The following CCDC102B variants were observed in gnomAD, a reference collection of about 807,000 sequenced individuals.
CCDC102B encodes coiled-coil domain-containing protein 102B.
A neutral mutation model predicts 57.4 loss-of-function variants in CCDC102B; 75 were observed. The ratio of observed to expected loss-of-function variants is 1.31; its 90% CI spans 1.08 to 1.58. The LOEUF is 1.58. Among genes scored for constraint, CCDC102B ranks in the 40% most tolerant of loss-of-function variants. The pLI is 0.00. For missense variants in CCDC102B, 636 were observed against 582.6 expected, an observed-to-expected ratio of 1.09 and a Z score of -0.94; for synonymous variants, 206 against 201.9, an observed-to-expected ratio of 1.02 and a Z score of -0.17.
At chr18:68,911,527 C>T (rs577659889) in intron 6 of CCDC102B, among the ~76,000 whole-genome samples, 12 of 146,976 alleles carry the variant, frequency 8.2e-5, no homozygotes, top group South Asian at 2.2e-4. Flanking sequence ...CCGAGGCGGG[C>T]GGATCACGAG....
Position 69,007,014 on chromosome 18 carries a change from G to C in CCDC102B, c.1264-3920G>C, listed in dbSNP as rs1267240952. Among the ~76,000 whole-genome samples the C allele has an allele frequency of 4.6e-5, 7 of 152,232 alleles. No individual in the cohort carries two copies. The East Asian group carries it at 1.3e-3, about 29-fold the overall frequency. Reference sequence around the variant, plus strand: ...CACGGGATTGTCACGTGGATTTAGAGAGAGAAGGTATGTGAAGAATTTCTC... The same window carrying C: ...CACGGGATTGTCACGTGGATTTAGACAGAGAAGGTATGTGAAGAATTTCTC... On this transcript the variant is annotated intron_variant, in intron 6 of 7. Transcript: ENST00000360242.
At chr18:68,764,310 TCA>T (rs940179521) in intron 2 of CCDC102B, among the ~76,000 whole-genome samples, 1 of 152,182 alleles carries the variant, frequency 6.6e-6, no homozygotes, top group Non-Finnish European at 1.5e-5. Context: ...GCATGGCGAC[TCA>T]CAGTTCTTTG....
intron 1 of CCDC102B, among the ~76,000 whole-genome samples, chr18:68,816,516 A>AGTG (rs75719200): frequency 0.43 from 59,529 of 139,556 alleles, 13,401 homozygotes; most frequent in East Asian, 0.86. Flanking sequence ...CCCAGGCTGG[A>AGTG]GTGCAAAGGC....
intron 1 of CCDC102B, among the ~76,000 whole-genome samples, chr18:68,814,752 T>C (rs2036410241): frequency 1.3e-5 from 2 of 152,014 alleles, no homozygotes; most frequent in East Asian, 3.9e-4. Context: ...CCAGAAGTGT[T>C]TTAAGTACAA....
chr18:68,927,550 G>A (rs1251818318), intron 6 of CCDC102B, among the ~76,000 whole-genome samples: 2 of 151,868 alleles, frequency 1.3e-5, no homozygotes, highest in East Asian at 1.9e-4. Context: ...CTGGGAAGAC[G>A]CCAAATAATT....
At chr18:68,903,881 A>G (rs1463046320) in intron 6 of CCDC102B, among the ~76,000 whole-genome samples, 1 of 152,226 alleles carries the variant, frequency 6.6e-6, no homozygotes, top group East Asian at 1.9e-4. Flanking sequence ...AAAGTGCATT[A>G]AAGTTGATTC....
At chr18:68,779,046 C>T (rs182351766) in intron 2 of CCDC102B, among the ~76,000 whole-genome samples, 155 of 152,154 alleles carry the variant, frequency 1.0e-3, no homozygotes, top group Non-Finnish European at 1.9e-3. Flanking sequence ...TCCTGTTTAA[C>T]GACACACACT....
chr18:68,927,023 G>A (rs563390956), intron 6 of CCDC102B, among the ~76,000 whole-genome samples: 4 of 151,874 alleles, frequency 2.6e-5, no homozygotes, highest in Non-Finnish European at 5.9e-5. Context: ...TACGATAAAT[G>A]AGCCAAAAGT....
intron 2 of CCDC102B, among the ~76,000 whole-genome samples, chr18:68,748,945 T>C (rs894834068): frequency 2.0e-5 from 3 of 152,206 alleles, no homozygotes; most frequent in Non-Finnish European, 4.4e-5. Flanking sequence ...CTTGAATTAA[T>C]TCTTGTGTAA....
intron 1 of CCDC102B, among the ~76,000 whole-genome samples, chr18:68,810,671 C>CTTTGTTTGTTTTTTT (rs1568263108): frequency 5.7e-5 from 4 of 70,054 alleles, no homozygotes; most frequent in African/African-American, 9.2e-5. Context: ...ATTTTCTTTT[C>CTTTGTTTGTTTTTTT]TTTTCTTTGT....
At chr18:68,981,594 T>G (rs2050583395) in intron 6 of CCDC102B, among the ~76,000 whole-genome samples, 1 of 152,012 alleles carries the variant, frequency 6.6e-6, no homozygotes, top group South Asian at 2.1e-4. Context: ...CTCTTTTAGG[T>G]GCCAGATATA....
At chr18:68,967,605 TTAAAAA>T (rs1311060051) in intron 6 of CCDC102B, among the ~76,000 whole-genome samples, 1 of 152,094 alleles carries the variant, frequency 6.6e-6, no homozygotes, top group East Asian at 1.9e-4. Flanking sequence ...GTTATAGAAA[TTAAAAA>T]TAAAGATATT....
At chr18:68,979,460 C>T (rs1234281577) in intron 6 of CCDC102B, among the ~76,000 whole-genome samples, 1 of 151,848 alleles carries the variant, frequency 6.6e-6, no homozygotes, top group Non-Finnish European at 1.5e-5. Context: ...AAAAACAAGT[C>T]GGCCAAGCTG....
At chr18:69,013,081 A>C (rs1156949436) in intron 7 of CCDC102B, among the ~76,000 whole-genome samples, 2 of 152,306 alleles carry the variant, frequency 1.3e-5, no homozygotes, top group African/African-American at 4.8e-5. Context: ...TATGTTTATT[A>C]CAGCACTATT....
intron 6 of CCDC102B, among the ~76,000 whole-genome samples, chr18:68,979,836 C>G (rs1021267009): frequency 6.6e-6 from 1 of 151,910 alleles, no homozygotes; most frequent in African/African-American, 2.4e-5. Flanking sequence ...ATGATAGTGG[C>G]TAAAAGGCCT....
At chr18:69,016,195 G>A (rs1226313059) in intron 7 of CCDC102B, among the ~76,000 whole-genome samples, 2 of 151,858 alleles carry the variant, frequency 1.3e-5, no homozygotes, top group African/African-American at 4.8e-5. Context: ...CATAGCACAG[G>A]TTCATGTATA....
intron 6 of CCDC102B, among the ~76,000 whole-genome samples, chr18:68,938,142 A>G (rs1005720608): frequency 6.6e-6 from 1 of 152,052 alleles, no homozygotes; most frequent in Admixed American, 6.6e-5. Flanking sequence ...AATTGAGACA[A>G]TGTTTGGAAC....
At chr18:68,746,591 C>T (rs2033629018) in intron 2 of CCDC102B, among the ~76,000 whole-genome samples, 1 of 152,068 alleles carries the variant, frequency 6.6e-6, no homozygotes, top group East Asian at 1.9e-4. Flanking sequence ...ACACAATTTT[C>T]TAACTTCTAC....
intron 4 of CCDC102B, chr18:68,867,020 GC>G (rs1325478469): frequency 7.2e-6 from 2 of 278,716 alleles, no homozygotes; most frequent in African/African-American, 4.5e-5. Context: ...AGGGCTGGCA[GC>G]CATGTGAAGA....
Sources: allele counts gnomAD v4.1 joint callset (sites outside exome capture counted in the v4.1 genomes callset), GRCh38; gene constraint gnomAD v4.1.1; transcripts MANE v1.5; gene names NCBI Gene and HGNC (gene_info 2026-07-23, HGNC 2026-07-21).